Variants in EDIL3 observed in about 807,000 individuals in gnomAD.
EDIL3 encodes the protein EGF-like repeat and discoidin I-like domain-containing protein 3.
Under a neutral mutation model 67.4 loss-of-function variants are expected in EDIL3, and 37 were observed. The ratio of observed to expected loss-of-function variants is 0.55; its 90% CI spans 0.42 to 0.72. EDIL3 has a LOEUF of 0.72. Ranked by LOEUF, EDIL3 falls within the 30% of genes least tolerant of loss-of-function variation. The pLI is 0.00. For synonymous variants in EDIL3, 195 were observed against 196.3 expected, an observed-to-expected ratio of 0.99 and a Z score of 0.05; for missense variants, 527 against 586.3, an observed-to-expected ratio of 0.90 and a Z score of 1.04.
chr5:84,382,578 G>C (rs1183355596), intron 1 of EDIL3, among the ~76,000 whole-genome samples: 2 of 152,182 alleles, frequency 1.3e-5, no homozygotes, highest in Admixed American at 1.3e-4. Context: ...ACGTAGGCGG[G>C]GAAGAGAAGG....
chr5:83,992,073 G>T (rs1199910813), intron 9 of EDIL3, among the ~76,000 whole-genome samples: 1 of 152,006 alleles, frequency 6.6e-6, no homozygotes, highest in African/African-American at 2.4e-5. Context: ...CTTAGTTATG[G>T]CCCATTTTTG....
intron 1 of EDIL3, among the ~76,000 whole-genome samples, chr5:84,366,042 A>C (rs564683680): frequency 6.6e-6 from 1 of 152,262 alleles, no homozygotes; most frequent in South Asian, 2.1e-4. Flanking sequence ...TCTTTCTCTT[A>C]ACCAATACAA....
At chr5:84,212,945 A>G (rs987607537) in intron 3 of EDIL3, among the ~76,000 whole-genome samples, 2 of 151,506 alleles carry the variant, frequency 1.3e-5, no homozygotes, top group African/African-American at 4.9e-5. Context: ...ACCACTACCC[A>G]CCAAAGAGTC....
At chr5:84,199,993 A>C (rs552913151) in intron 3 of EDIL3, among the ~76,000 whole-genome samples, 1 of 152,178 alleles carries the variant, frequency 6.6e-6, no homozygotes, top group African/African-American at 2.4e-5. Context: ...TGGGTTTTTT[A>C]AATTTTCTAA....
intron 9 of EDIL3, among the ~76,000 whole-genome samples, chr5:83,990,876 T>C (rs571993548): frequency 8.0e-6 from 1 of 125,258 alleles, no homozygotes; most frequent in East Asian, 2.3e-4. Context: ...AAAGACTCTG[T>C]CTCAATAAAT....
intron 1 of EDIL3, among the ~76,000 whole-genome samples, chr5:84,366,752 C>T (rs1747744673): frequency 6.6e-6 from 1 of 152,122 alleles, no homozygotes; most frequent in Admixed American, 6.5e-5. Context: ...ACAGATCAGA[C>T]TGCTAGTAGG....
chr5:84,377,147 A>G (rs1747983655), intron 1 of EDIL3, among the ~76,000 whole-genome samples: 1 of 152,102 alleles, frequency 6.6e-6, no homozygotes, highest in South Asian at 2.1e-4. Flanking sequence ...TAACACGGTG[A>G]AACCCCGTCT....
intron 9 of EDIL3, among the ~76,000 whole-genome samples, chr5:83,977,705 A>T (rs946675656): frequency 6.6e-6 from 1 of 151,802 alleles, no homozygotes; most frequent in Non-Finnish European, 1.5e-5. Context: ...ATGCATTGGC[A>T]TAAAGATGTT....
chr5:84,073,302 T>C (rs1445440037), intron 6 of EDIL3, among the ~76,000 whole-genome samples: 3 of 152,088 alleles, frequency 2.0e-5, no homozygotes, highest in African/African-American at 7.2e-5. Context: ...AAGGATGCCC[T>C]CTCTCACCAC....
intron 9 of EDIL3, among the ~76,000 whole-genome samples, chr5:83,980,962 A>G (rs1250303298): frequency 2.0e-5 from 3 of 152,004 alleles, no homozygotes; most frequent in Non-Finnish European, 4.4e-5. Context: ...ATACAGTAAA[A>G]ACTACAAAAC....
chr5:84,368,059 G>T (rs1204529280), intron 1 of EDIL3, among the ~76,000 whole-genome samples: 1 of 152,140 alleles, frequency 6.6e-6, no homozygotes, highest in African/African-American at 2.4e-5. Flanking sequence ...GGCAGAATTT[G>T]TCTGATGTAA....
At chr5:84,099,777 A>G (rs910838840) in intron 6 of EDIL3, among the ~76,000 whole-genome samples, 14 of 152,178 alleles carry the variant, frequency 9.2e-5, no homozygotes, top group African/African-American at 3.4e-4. Context: ...AGAAACTATT[A>G]TCAGAGTGAA....
intron 9 of EDIL3, among the ~76,000 whole-genome samples, chr5:84,023,088 A>G (rs908478480): frequency 6.6e-6 from 1 of 152,020 alleles, no homozygotes; most frequent in Non-Finnish European, 1.5e-5. Flanking sequence ...AAATGAGTCT[A>G]AAGAAGTGTC....
rs1366979202 is a variant in EDIL3 at position 84,074,885 on chromosome 5, A to G, written c.652-8279T>C. ...AAGGACTATAAATCATGCTGCTATA[A>G]AGACACATGCACACGTATGTTTATT... On this transcript the variant is annotated intron_variant, in intron 6 of 10. Transcript: ENST00000296591. Among the ~76,000 whole-genome samples, 8 of 152,310 alleles carry G rather than the reference A, an allele frequency of 5.3e-5. No individual in the cohort carries two copies. The South Asian group carries it at 1.5e-3, about 28-fold the overall frequency.
At chr5:84,170,174 GAC>G (rs111677669) in intron 4 of EDIL3, among the ~76,000 whole-genome samples, 2,575 of 152,314 alleles carry the variant, frequency 0.017, 79 homozygotes, top group African/African-American at 0.059. Flanking sequence ...TCTTGGGAAA[GAC>G]AGTAGAGAGG....
chr5:84,138,519 C>T (rs1748132286), intron 4 of EDIL3, among the ~76,000 whole-genome samples: 1 of 152,114 alleles, frequency 6.6e-6, no homozygotes, highest in African/African-American at 2.4e-5. Flanking sequence ...TGTAATGTGC[C>T]TTCTGATACC....
chr5:84,136,277 C>T (rs1392178218), intron 5 of EDIL3, among the ~76,000 whole-genome samples: 1 of 152,172 alleles, frequency 6.6e-6, no homozygotes, highest in Non-Finnish European at 1.5e-5. Flanking sequence ...GTCTCATCTG[C>T]ATCTACATTT....
In EDIL3 at chr5:84,322,495, G is replaced by A. The variant is rs189721394; in HGVS notation, c.67+61813C>T. Among the ~76,000 whole-genome samples the A allele has an allele frequency of 4.3e-3, 656 of 152,106 alleles. 3 individuals carry two copies. Among genetic ancestry groups the A allele is most frequent in the African/African-American group, 0.014 (599 of 41,540 alleles). On this transcript the variant is annotated intron_variant, in intron 1 of 10. Transcript: ENST00000296591. ...GGCAGATAAAAGAATCAGCAAAGTCGAGGAAAAGACAATGTAAATAAGTGA... is the reference window on the plus strand; with the variant it reads ...GGCAGATAAAAGAATCAGCAAAGTCAAGGAAAAGACAATGTAAATAAGTGA...
At chr5:84,037,018 G>C (rs1746033627) in intron 9 of EDIL3, among the ~76,000 whole-genome samples, 2 of 152,140 alleles carry the variant, frequency 1.3e-5, no homozygotes, top group South Asian at 4.1e-4. Context: ...GCGCTGCAAG[G>C]CTGTATGGGT....
Sources: gnomAD v4.1 joint callset for allele counts (sites outside exome capture counted in the v4.1 genomes callset) on GRCh38, gnomAD v4.1.1 for gene constraint, MANE v1.5 for transcripts, NCBI Gene and HGNC (gene_info 2026-07-23, HGNC 2026-07-21) for gene names.